The following KCNIP1 variants were observed in gnomAD, a reference collection of about 807,000 sequenced individuals.
KCNIP1 encodes A-type potassium channel modulatory protein KCNIP1.
A neutral mutation model predicts 33.0 loss-of-function variants in KCNIP1; 18 were observed. That is an observed-to-expected ratio of 0.55 (90% CI 0.38 to 0.81). The LOEUF is 0.81. KCNIP1 is among the 30% of genes least tolerant of loss of function. The probability of loss-of-function intolerance (pLI) is 0.00; values close to 1 mark genes in which losing one functional copy is unlikely to be tolerated. For synonymous variants in KCNIP1, 93 were observed against 98.3 expected, an observed-to-expected ratio of 0.95 and a Z score of 0.32; for missense variants, 238 against 271.6, an observed-to-expected ratio of 0.88 and a Z score of 0.87.
At chr5:170,379,886 A>G (rs1387550952) in intron 1 of KCNIP1, among the ~76,000 whole-genome samples, 1 of 151,804 alleles carries the variant, frequency 6.6e-6, no homozygotes, top group East Asian at 1.9e-4. Flanking sequence ...CAGGAGTTGG[A>G]GGCTGCAGTG....
chr5:170,597,152 C>G (rs898599151), intron 1 of KCNIP1, among the ~76,000 whole-genome samples: 13 of 152,168 alleles, frequency 8.5e-5, no homozygotes, highest in African/African-American at 3.1e-4. Context: ...AGGACTTGGT[C>G]CAATGTCATC....
intron 1 of KCNIP1, among the ~76,000 whole-genome samples, chr5:170,672,849 T>C (rs1318016343): frequency 2.6e-5 from 4 of 152,266 alleles, no homozygotes; most frequent in Admixed American, 2.6e-4. Context: ...ATCTGTGATC[T>C]TTGCCTAGGC....
At chr5:170,417,599 CTT>C (rs1427515399) in intron 1 of KCNIP1, among the ~76,000 whole-genome samples, 2 of 152,192 alleles carry the variant, frequency 1.3e-5, no homozygotes, top group African/African-American at 4.8e-5. Flanking sequence ...GCAAAACCCT[CTT>C]GTCGTCTGGG....
intron 1 of KCNIP1, among the ~76,000 whole-genome samples, chr5:170,685,030 T>G (rs991099635): frequency 2.0e-5 from 3 of 152,164 alleles, no homozygotes; most frequent in African/African-American, 7.2e-5. Context: ...CATCAAGGTT[T>G]ATAATGCTCC....
chr5:170,394,755 C>T (rs997148419), intron 1 of KCNIP1, among the ~76,000 whole-genome samples: 4 of 152,302 alleles, frequency 2.6e-5, no homozygotes, highest in Admixed American at 2.6e-4. Context: ...CCACTCCCTC[C>T]TTCCTTTTGG....
chr5:170,477,232 GATATATATAT>G (rs141358703), intron 1 of KCNIP1, among the ~76,000 whole-genome samples: 1 of 150,086 alleles, frequency 6.7e-6, no homozygotes, highest in Non-Finnish European at 1.5e-5. Flanking sequence ...ACTCTGGGGA[GATATATATAT>G]ATATCAGAAA....
intron 1 of KCNIP1, among the ~76,000 whole-genome samples, chr5:170,485,520 G>T (rs1363654620): frequency 1.3e-5 from 2 of 152,162 alleles, no homozygotes; most frequent in African/African-American, 2.4e-5. Flanking sequence ...CCACCTTCAG[G>T]GTCATGAGGA....
intron 1 of KCNIP1, among the ~76,000 whole-genome samples, chr5:170,505,101 C>T (rs1754662571): frequency 6.6e-6 from 1 of 152,284 alleles, no homozygotes; most frequent in Non-Finnish European, 1.5e-5. Context: ...TGTCTGCACC[C>T]CCAAAACCTC....
intron 1 of KCNIP1, among the ~76,000 whole-genome samples, chr5:170,414,562 C>T (rs1180421243): frequency 6.6e-6 from 1 of 152,246 alleles, no homozygotes; most frequent in Non-Finnish European, 1.5e-5. Flanking sequence ...CGTGGCTGCG[C>T]TGGAGTCTCT....
Position 170,597,563 on chromosome 5 carries a change from G to A in KCNIP1, c.61+92930G>A, listed in dbSNP as rs58881298. ...ATCTGGGAGATGAATGTATTCATGAGCCCATAAAGGGGTCATGAATCACTG... is the reference window on the plus strand; with the variant it reads ...ATCTGGGAGATGAATGTATTCATGAACCCATAAAGGGGTCATGAATCACTG... On this transcript the variant is annotated intron_variant, in intron 1 of 7. Coordinates refer to ENST00000328939, the MANE Select transcript of KCNIP1 (RefSeq NM_014592.4). 8.9e-3 allele frequency among the ~76,000 whole-genome samples: 1,350 copies of A among 152,036 alleles called. 19 individuals are homozygous for A. The highest frequency in any genetic ancestry group is 0.03 in the African/African-American group (1,237 of 41,392).
intron 1 of KCNIP1, among the ~76,000 whole-genome samples, chr5:170,615,079 G>A (rs941911472): frequency 6.6e-6 from 1 of 152,228 alleles, no homozygotes; most frequent in Non-Finnish European, 1.5e-5. Flanking sequence ...GCTGGGCGTG[G>A]TGGTAGGCGC....
intron 1 of KCNIP1, among the ~76,000 whole-genome samples, chr5:170,420,785 T>C (rs1209450119): frequency 6.6e-6 from 1 of 151,880 alleles, no homozygotes; most frequent in Non-Finnish European, 1.5e-5. Flanking sequence ...GAAATAGTCA[T>C]TCATGAAATA....
intron 1 of KCNIP1, among the ~76,000 whole-genome samples, chr5:170,558,452 C>A (rs936040464): frequency 2.0e-5 from 3 of 152,226 alleles, no homozygotes; most frequent in African/African-American, 7.2e-5. Context: ...GAAACAATTT[C>A]TTCCAGCCGC....
intron 1 of KCNIP1, among the ~76,000 whole-genome samples, chr5:170,597,818 T>TGA (rs1404720748): frequency 0.022 from 598 of 27,302 alleles, 19 homozygotes; most frequent in African/African-American, 0.058. Flanking sequence ...TATATATATA[T>TGA]ATATATATAT....
At position 170,442,228 on chromosome 5, in the gene KCNIP1, C is replaced by A. The variant is rs972460166; in HGVS notation, c.88+88264C>A. Among the ~76,000 whole-genome samples the A allele has an allele frequency of 2.0e-5, 3 of 152,058 alleles. 1 individual carries two copies. Among genetic ancestry groups the A allele is most frequent in the African/African-American group, 7.2e-5 (3 of 41,392 alleles). On this transcript the variant is annotated intron_variant, in intron 1 of 7. Coordinates refer to the KCNIP1 transcript ENST00000377360. ...ACAGCGTTGCAAAGACCCCAGGGGC[C>A]GAGTAAGCAGAGGCCTTTCAGAGAT...
chr5:170,680,984 A>G (rs73803520), intron 1 of KCNIP1: 11,941 of 399,018 alleles, frequency 0.03, 1,158 homozygotes, highest in African/African-American at 0.21. Context: ...GCACTTTAGA[A>G]CAGCAGGAAG....
intron 1 of KCNIP1, among the ~76,000 whole-genome samples, chr5:170,420,818 C>G (rs963194509): frequency 2.6e-5 from 4 of 152,154 alleles, no homozygotes; most frequent in South Asian, 2.1e-4. Flanking sequence ...CTTCTCCCCC[C>G]CAACCCCACT....
At chr5:170,627,849 G>A (rs1212594704) in intron 1 of KCNIP1, among the ~76,000 whole-genome samples, 2 of 152,232 alleles carry the variant, frequency 1.3e-5, no homozygotes, top group East Asian at 3.9e-4. Context: ...AGAGGGGCTT[G>A]GGGCTCCCCT....
intron 1 of KCNIP1, among the ~76,000 whole-genome samples, chr5:170,492,419 G>T (rs924657310): frequency 6.6e-6 from 1 of 152,224 alleles, no homozygotes; most frequent in African/African-American, 2.4e-5. Flanking sequence ...ACTTGGACGC[G>T]TTCTCCAACA....
Sources: gnomAD v4.1 joint callset for allele counts (sites outside exome capture counted in the v4.1 genomes callset) on GRCh38, gnomAD v4.1.1 for gene constraint, MANE v1.5 for transcripts, NCBI Gene and HGNC (gene_info 2026-07-23, HGNC 2026-07-21) for gene names.